PPP6R2: variants seen among roughly 807,000 people sequenced by gnomAD.
PPP6R2 encodes serine/threonine-protein phosphatase 6 regulatory subunit 2.
A neutral mutation model predicts 100.2 loss-of-function variants in PPP6R2; 62 were observed. The observed-to-expected ratio is 0.62, with a 90% CI of 0.50 to 0.76. The LOEUF (loss-of-function observed/expected upper bound fraction) is 0.76, where lower values mean the gene tolerates loss of function less well. PPP6R2 is among the 30% of genes least tolerant of loss of function. The pLI, the probability that PPP6R2 is intolerant of heterozygous loss-of-function variation, is 0.00. For synonymous variants in PPP6R2, 525 were observed against 514.7 expected (o/e 1.02, Z -0.27); for missense variants, 1,142 against 1,276.3 (o/e 0.89, Z 1.60).
chr22:50,422,291 G>T lies in PPP6R2; in HGVS notation c.883G>T (p.Glu295Ter). The T allele has an allele frequency of 6.2e-7, 1 of 1,614,044 alleles. No individual in the cohort carries two copies. The highest frequency in any genetic ancestry group is 8.5e-7 in the Non-Finnish European group (1 of 1,179,960). Residue 295 changes from glutamate to a stop codon, truncating the protein, a stop_gained, in exon 9 of 24, where the codon GAA (glutamate) becomes TAA (stop). Transcript: ENST00000612753. LOFTEE classifies it high-confidence loss of function. ...GGTGGACTCCTTTTCTCAGGGACTG[G>T]AAAGGTCATACGCTGTCAGCAGCAG... is the stretch of plus-strand genomic sequence containing the variant. ...GLVDSFSQGL[E>*]RSYAVSSSVL...
the PPP6R2 span, among the ~76,000 whole-genome samples, chr22:50,333,984 C>T: frequency 6.6e-6 from 1 of 152,302 alleles, no homozygotes; most frequent in African/African-American, 2.4e-5. Flanking sequence ...AGAGAGAGGA[C>T]AGGTAACGTC....
At position 50,403,948 on chromosome 22, in the gene PPP6R2, T is replaced by C. The variant is rs536473915; in HGVS notation, c.228-2741T>C. On this transcript the variant is annotated intron_variant, in intron 3 of 23. Coordinates refer to ENST00000612753, the MANE Select transcript of PPP6R2 (RefSeq NM_001242898.2). The stretch of plus-strand genomic sequence containing the variant: ...CTCCAGCCGGTCGCGTGGACCACCT[T>C]GGCTTAGGTCCAGTGCTAGGGCTGC... Among the ~76,000 whole-genome samples the C allele has an allele frequency of 3.0e-4, 46 of 152,288 alleles. No homozygotes were observed. In the East Asian group the frequency reaches 8.9e-3, roughly 29 times the overall value.
intron 1 of PPP6R2, among the ~76,000 whole-genome samples, chr22:50,356,629 T>G (rs530963938): frequency 9.2e-4 from 140 of 152,254 alleles, no homozygotes; most frequent in African/African-American, 3.2e-3. Context: ...TGTTTCACTT[T>G]TTTAAGAAAC....
At chr22:50,421,854 C>G (rs374456680) in intron 8 of PPP6R2, among the ~76,000 whole-genome samples, 2 of 152,012 alleles carry the variant, frequency 1.3e-5, no homozygotes, top group South Asian at 2.1e-4. Flanking sequence ...GGTGACAGAG[C>G]GAGACTCTGG....
chr22:50,372,189 T>C (rs1292829285), intron 2 of PPP6R2, 39 bp downstream of exon 2: 1 of 152,210 alleles, frequency 6.6e-6, no homozygotes, highest in Non-Finnish European at 1.5e-5. Flanking sequence ...TCTGTTTTAT[T>C]GTGTAATTTA....
intron 10 of PPP6R2, among the ~76,000 whole-genome samples, chr22:50,426,915 G>T (rs976377512): frequency 6.6e-6 from 1 of 151,540 alleles, no homozygotes; most frequent in Non-Finnish European, 1.5e-5. Flanking sequence ...CCGGCCGGGC[G>T]CAGTGGCTCA....
At chr22:50,389,953 C>A (rs527677669) in intron 2 of PPP6R2, among the ~76,000 whole-genome samples, 59 of 150,702 alleles carry the variant, frequency 3.9e-4, no homozygotes, top group African/African-American at 1.4e-3. Context: ...TAGAAATGTT[C>A]TTGTTATGCG....
At chr22:50,434,160 G>T (rs1401350284) in intron 12 of PPP6R2, among the ~76,000 whole-genome samples, 3 of 62,128 alleles carry the variant, frequency 4.8e-5, no homozygotes, top group African/African-American at 1.7e-4. Flanking sequence ...GGAGGGCCGG[G>T]GGCGCAGACG....
chr22:50,368,325 G>A (rs1475489515), intron 1 of PPP6R2, among the ~76,000 whole-genome samples: 3 of 152,150 alleles, frequency 2.0e-5, no homozygotes, highest in Admixed American at 2.0e-4. Context: ...AGTCTGCTAA[G>A]TAACGGGTGC....
intron 22 of PPP6R2, chr22:50,443,598 T>C (rs2066355723): frequency 1.9e-6 from 1 of 531,694 alleles, no homozygotes; most frequent in Non-Finnish European, 3.4e-6. Flanking sequence ...AATGAGGCGC[T>C]TGATGATGAG....
intron 1 of PPP6R2, among the ~76,000 whole-genome samples, chr22:50,356,560 CAT>C (rs1195959534): frequency 6.6e-6 from 1 of 152,044 alleles, no homozygotes; most frequent in Non-Finnish European, 1.5e-5. Context: ...TTTCTGTGGA[CAT>C]ATGTTATTTC....
At chr22:50,332,531 C>G in the PPP6R2 span, among the ~76,000 whole-genome samples, 1 of 151,068 alleles carries the variant, frequency 6.6e-6, no homozygotes, top group South Asian at 2.1e-4. Flanking sequence ...CGCCTAGCCT[C>G]TTCTAGAAGA....
chr22:50,423,627 C>A lies in PPP6R2; in HGVS notation c.1125+13C>A. On this transcript the variant is annotated intron_variant, in intron 10 of 23. Transcript: ENST00000612753. This position sits in a 1 kb window ranked among gnomAD's most constrained non-coding sequence, Gnocchi z 4.8. ...GGACTTACTGCTGGTAAGTGGGCCC[C>A]TCAGCCAGCCCTGCATGTCTGTGAG... is the stretch of plus-strand genomic sequence containing the variant. 1 of 1,613,880 alleles carries A rather than the reference C, an allele frequency of 6.2e-7. No individual in the cohort carries two copies. Among genetic ancestry groups the A allele is most frequent in the East Asian group, 2.2e-5 (1 of 44,866 alleles).
upstream of PPP6R2, among the ~76,000 whole-genome samples, chr22:50,338,637 G>GGT (rs2042330813): frequency 7.4e-6 from 1 of 134,798 alleles, no homozygotes; most frequent in Non-Finnish European, 1.6e-5. Context: ...TATGGTGTGT[G>GGT]GTGTCTGTGG....
At chr22:50,409,492 A>G (rs1395059531) in intron 4 of PPP6R2, among the ~76,000 whole-genome samples, 1 of 152,066 alleles carries the variant, frequency 6.6e-6, no homozygotes, top group Non-Finnish European at 1.5e-5. Context: ...CAGTGGCGCA[A>G]TCTCAGCTCA....
At chr22:50,438,858 C>A (rs1603417762) in intron 19 of PPP6R2, 96 bp downstream of exon 19, 3 of 1,270,610 alleles carry the variant, frequency 2.4e-6, no homozygotes, top group East Asian at 5.1e-5. Context: ...GGAGCTGAGG[C>A]ATTTGGGGCT....
chr22:50,331,141 A>T, the PPP6R2 span, among the ~76,000 whole-genome samples: 1 of 152,184 alleles, frequency 6.6e-6, no homozygotes, highest in Non-Finnish European at 1.5e-5. Flanking sequence ...ATGTTGTTGC[A>T]TGTACCAGTA....
At chr22:50,396,449 C>T (rs143040651) in intron 3 of PPP6R2, among the ~76,000 whole-genome samples, 2,864 of 148,152 alleles carry the variant, frequency 0.019, 103 homozygotes, top group African/African-American at 0.067. Context: ...GAGCCAAGAT[C>T]GCTCCACTGC....
At chr22:50,438,484 CCT>C (rs2064878417) in intron 18 of PPP6R2, 113 bp from the exon 19 acceptor site, 1 of 1,433,984 alleles carries the variant, frequency 7.0e-7, no homozygotes, top group Admixed American at 2.0e-5. Context: ...GTCTCGTGCT[CCT>C]CTCTCGAGAC....
Sources: gnomAD v4.1 joint callset for allele counts (sites outside exome capture counted in the v4.1 genomes callset) on GRCh38, gnomAD v4.1.1 for gene constraint, Gnocchi (gnomAD v3.1) non-coding constraint, MANE v1.5 for transcripts, NCBI Gene and HGNC (gene_info 2026-07-23, HGNC 2026-07-21) for gene names.